Variants in FHIT observed in about 807,000 individuals in gnomAD.
FHIT encodes fragile histidine triad diadenosine triphosphatase.
FHIT carries 19 observed loss-of-function variants against 17.9 expected under a neutral mutation model. The observed-to-expected ratio is 1.06, with a 90% confidence interval of 0.74 to 1.56. FHIT has a LOEUF of 1.56. Among genes scored for constraint, FHIT ranks in the 40% most tolerant of loss-of-function variants. FHIT has a pLI of 0.00. For synonymous variants in FHIT, 81 were observed against 69.7 expected, an observed-to-expected ratio of 1.16 and a Z score of -0.81; for missense variants, 248 against 189.2, an observed-to-expected ratio of 1.31 and a Z score of -1.82.
intron 5 of FHIT, among the ~76,000 whole-genome samples, chr3:60,473,898 G>A (rs2033213840): frequency 6.6e-6 from 1 of 151,170 alleles, no homozygotes; most frequent in Non-Finnish European, 1.5e-5. Context: ...ACTCTGGCCT[G>A]GGTGACAGAG....
At chr3:61,239,651 G>C (rs566502684) in intron 1 of FHIT, among the ~76,000 whole-genome samples, 3 of 151,554 alleles carry the variant, frequency 2.0e-5, no homozygotes, top group African/African-American at 7.3e-5. Flanking sequence ...CATGAGGGCA[G>C]TGCTGATATT....
In FHIT at chr3:61,102,845, G is replaced by A. The variant is rs974420439; in HGVS notation, c.-163-60746C>T. On this transcript the variant is annotated intron_variant, in intron 2 of 9. Transcript: ENST00000492590. The stretch of plus-strand genomic sequence containing the variant: ...GATTTTCTAGTTTATTTGCATAGAG[G>A]TGTTTATAGTACTCTCTGATGGTAG... Among the ~76,000 whole-genome samples the A allele has an allele frequency of 5.9e-5, 9 of 152,292 alleles. No individual in the cohort carries two copies. The East Asian group carries it at 1.7e-3, about 29-fold the overall frequency.
chr3:60,698,701 A>C (rs1310199723), intron 4 of FHIT, among the ~76,000 whole-genome samples: 2 of 152,170 alleles, frequency 1.3e-5, no homozygotes, highest in African/African-American at 4.8e-5. Context: ...CACTGAGTCT[A>C]TATATATTTT....
intron 7 of FHIT, among the ~76,000 whole-genome samples, chr3:59,923,805 G>A (rs769513408): frequency 1.3e-5 from 2 of 152,118 alleles, no homozygotes; most frequent in African/African-American, 4.8e-5. Flanking sequence ...CTGTGGCTTC[G>A]CTGTACAAGG....
chr3:60,315,919 C>G (rs755159049), intron 5 of FHIT, among the ~76,000 whole-genome samples: 1 of 152,164 alleles, frequency 6.6e-6, no homozygotes, highest in Non-Finnish European at 1.5e-5. Context: ...TCATTGTTTT[C>G]TCCCCTATAA....
intron 5 of FHIT, among the ~76,000 whole-genome samples, chr3:60,340,738 C>T (rs1012134532): frequency 6.6e-6 from 1 of 152,126 alleles, no homozygotes; most frequent in Non-Finnish European, 1.5e-5. Context: ...GACAGAGTCT[C>T]ACTCTGTTGC....
At chr3:60,181,405 C>G (rs1010162707) in intron 5 of FHIT, among the ~76,000 whole-genome samples, 20 of 152,116 alleles carry the variant, frequency 1.3e-4, no homozygotes, top group African/African-American at 4.6e-4. Flanking sequence ...CTCGGCCTCC[C>G]AAAGTGCTGG....
intron 4 of FHIT, among the ~76,000 whole-genome samples, chr3:60,721,597 C>G (rs959302864): frequency 3.9e-5 from 6 of 152,162 alleles, no homozygotes; most frequent in Admixed American, 2.6e-4. Context: ...CCCCCTCCCC[C>G]TGTTCCTCCA....
chr3:60,211,403 C>A (rs1703448094), intron 5 of FHIT, among the ~76,000 whole-genome samples: 2 of 151,948 alleles, frequency 1.3e-5, no homozygotes, highest in African/African-American at 4.8e-5. Flanking sequence ...CTACTTTGAA[C>A]ATACTGGTTT....
At position 61,188,817 on chromosome 3, in the gene FHIT, A is replaced by G. The variant is rs576051309; in HGVS notation, c.-164+11800T>C. On this transcript the variant is annotated intron_variant, in intron 2 of 9. Transcript: ENST00000492590. The stretch of plus-strand genomic sequence containing the variant: ...AAATGTAATCCAGCATATAAACAGA[A>G]CCAAAGACAAAAACCACATGATTAT... Among the ~76,000 whole-genome samples the G allele has an allele frequency of 3.0e-3, 460 of 152,242 alleles. 2 individuals carry two copies. Among genetic ancestry groups the G allele is most frequent in the African/African-American group, 8.3e-3 (343 of 41,534 alleles).
At chr3:59,811,229 G>A (rs528276926) in intron 8 of FHIT, among the ~76,000 whole-genome samples, 1 of 152,326 alleles carries the variant, frequency 6.6e-6, no homozygotes, top group South Asian at 2.1e-4. Context: ...TTAGGAGAAT[G>A]CAGAGGCAAT....
At chr3:60,511,697 G>A (rs1368779273) in intron 5 of FHIT, among the ~76,000 whole-genome samples, 2 of 152,112 alleles carry the variant, frequency 1.3e-5, no homozygotes, top group African/African-American at 2.4e-5. Context: ...GTAGCCATGA[G>A]CACACTTAAT....
chr3:60,353,619 AT>A (rs910391581), intron 5 of FHIT, among the ~76,000 whole-genome samples: 1 of 152,106 alleles, frequency 6.6e-6, no homozygotes, highest in Non-Finnish European at 1.5e-5. Context: ...GAGATTTTTT[AT>A]TTTTTTAAAC....
intron 2 of FHIT, among the ~76,000 whole-genome samples, chr3:61,105,012 T>A (rs1046064094): frequency 6.6e-6 from 1 of 152,200 alleles, no homozygotes. Flanking sequence ...AGTTTCAATG[T>A]ACTCCTGTAG....
At chr3:60,365,070 G>T (rs1700052889) in intron 5 of FHIT, among the ~76,000 whole-genome samples, 1 of 149,030 alleles carries the variant, frequency 6.7e-6, no homozygotes, top group African/African-American at 2.5e-5. Context: ...ATATTCTATT[G>T]GTTCTGTTCT....
In FHIT at chr3:59,911,607, TA is replaced by T. The variant is rs1371415257; in HGVS notation, c.348+10738del. ...TAGACTAAGCCTCATATTCCAGCTT[TA>T]AAATCCCATTCTTTTCTCAGCAGGC... On this transcript the variant is annotated intron_variant, in intron 8 of 9. Coordinates refer to ENST00000492590, the MANE Select transcript of FHIT (RefSeq NM_002012.4). Among the ~76,000 whole-genome samples, 5 of 152,336 alleles carry T rather than the reference TA, an allele frequency of 3.3e-5. No homozygotes were observed. In the East Asian group the frequency reaches 9.6e-4, roughly 29 times the overall value.
At chr3:59,966,775 A>C (rs1352934956) in intron 7 of FHIT, among the ~76,000 whole-genome samples, 1 of 152,140 alleles carries the variant, frequency 6.6e-6, no homozygotes, top group East Asian at 1.9e-4. Flanking sequence ...GGGGTGACTG[A>C]ATTTGAAGGC....
At chr3:60,893,346 G>C (rs1266377052) in intron 3 of FHIT, among the ~76,000 whole-genome samples, 1 of 152,038 alleles carries the variant, frequency 6.6e-6, no homozygotes, top group Non-Finnish European at 1.5e-5. Context: ...GAATGCTCTA[G>C]TGACACATAA....
chr3:60,304,534 G>A (rs888726281), intron 5 of FHIT, among the ~76,000 whole-genome samples: 10 of 152,000 alleles, frequency 6.6e-5, no homozygotes, highest in South Asian at 2.1e-4. Flanking sequence ...GATGAGACAA[G>A]TGTGTGAGTT....
Sources: gnomAD v4.1 joint callset for allele counts (sites outside exome capture counted in the v4.1 genomes callset) on GRCh38, gnomAD v4.1.1 for gene constraint, MANE v1.5 for transcripts, NCBI Gene and HGNC (gene_info 2026-07-23, HGNC 2026-07-21) for gene names.